Variants in FLCN observed in about 807,000 individuals in gnomAD.
The protein encoded by FLCN is folliculin, also known as BHD skin lesion fibrofolliculoma protein.
In FLCN, 22 loss-of-function variants were observed where a neutral mutation model predicts 62.5. The observed-to-expected ratio is 0.35, with a 90% CI of 0.25 to 0.50. FLCN has a LOEUF of 0.50. FLCN is among the 20% of genes least tolerant of loss of function. FLCN has a pLI of 0.97. For missense variants in FLCN, 657 were observed against 778.0 expected (o/e 0.84, Z 1.85); for synonymous variants, 319 against 310.0 (o/e 1.03, Z -0.30).
Position 17,228,120 on chromosome 17 carries a change from A to T in FLCN, c.18T>A (p.Ala6=). The change falls in exon 4 of 14, where the codon GCT becomes GCA. Residue 6 remains alanine, a synonymous_variant. Transcript: ENST00000285071. MNAIV[A]LCHFCELHGP... ...CGTGGAGCTCGCAGAAGTGGCAGAG[A>T]GCCACGATGGCATTCATGGTGCCTT... 1 of 1,613,076 alleles carries T rather than the reference A, an allele frequency of 6.2e-7. No homozygotes were observed. The highest frequency in any genetic ancestry group is 8.5e-7 in the Non-Finnish European group (1 of 1,180,018).
chr17:17,230,565 A>G (rs1318612089), intron 3 of FLCN, among the ~76,000 whole-genome samples: 2 of 151,842 alleles, frequency 1.3e-5, no homozygotes, highest in Non-Finnish European at 2.9e-5. Context: ...AAAACAAAAT[A>G]AAACAAAAAC....
chr17:17,230,084 C>T (rs905610301), intron 3 of FLCN, among the ~76,000 whole-genome samples: 16 of 152,132 alleles, frequency 1.1e-4, no homozygotes, highest in African/African-American at 2.4e-4. Flanking sequence ...GAAACGAGAC[C>T]GCAAAAGCAA....
rs539709518 is a variant in FLCN at position 17,212,975 on chromosome 17, T to C, written c.*680A>G. ...GATGCTTGCCGACCCCTCAGCAACC[T>C]GTCTTGTGCAAAAATGATCAGGGAC... On this transcript the variant is annotated 3_prime_UTR_variant, in exon 14 of 14. Coordinates refer to ENST00000285071, the MANE Select transcript of FLCN (RefSeq NM_144997.7). The C allele has an allele frequency of 2.1e-5, 5 of 237,646 alleles. No homozygotes were observed. The East Asian group carries it at 2.4e-4, about 11-fold the overall frequency. 14.7% of individuals were successfully genotyped at this position (237,646 alleles called of 1,614,324 possible).
In FLCN at chr17:17,222,559, G is replaced by C. The variant is rs1337020636; in HGVS notation, c.721C>G (p.Leu241Val). The C allele has an allele frequency of 2.5e-6, 4 of 1,614,142 alleles. No homozygotes were observed. Among genetic ancestry groups the C allele is most frequent in the African/African-American group, 2.7e-5 (2 of 74,944 alleles). ...HQRNGNAARS[L>V]TSLTSDDNLW... Reference sequence around the variant, plus strand: ...TTGTCATCACTTGTCAGCGATGTCAGCGAGCGGGCGGCGTTGCCGTTCCTC... The same window carrying C: ...TTGTCATCACTTGTCAGCGATGTCACCGAGCGGGCGGCGTTGCCGTTCCTC... Residue 241 changes from leucine to valine, a missense_variant, in exon 7 of 14, where the codon CTG becomes GTG. By Grantham distance (32) the Leu-to-Val change is conservative. Coordinates refer to ENST00000285071, the MANE Select transcript of FLCN (RefSeq NM_144997.7).
At chr17:17,219,348 C>A in intron 8 of FLCN, 139 bp from the exon 9 acceptor site, 1 of 545,290 alleles carries the variant, frequency 1.8e-6, no homozygotes, top group South Asian at 1.5e-5. Flanking sequence ...CTCCCTGTTG[C>A]TCTGGGAGCC....
rs398124528 is a variant in FLCN at position 17,215,092 on chromosome 17, T to C, written c.1433-2A>G. On this transcript the variant is annotated splice_acceptor_variant, in intron 12 of 13. Coordinates refer to ENST00000285071, the MANE Select transcript of FLCN (RefSeq NM_144997.7). LOFTEE classifies it high-confidence loss of function. ...TCTTATTCAGGATGGTGGGGCCCACTGGGGAGAAGGGCAGGGGCAGAGCAA... is the reference window on the plus strand; with the variant it reads ...TCTTATTCAGGATGGTGGGGCCCACCGGGGAGAAGGGCAGGGGCAGAGCAA... 1 of 1,611,970 alleles carries C rather than the reference T, an allele frequency of 6.2e-7. No homozygotes were observed. The highest frequency in any genetic ancestry group is 8.5e-7 in the Non-Finnish European group (1 of 1,179,006).
chr17:17,219,565 CTTTTT>C (rs33981693), intron 8 of FLCN: 482 of 125,950 alleles, frequency 3.8e-3, no homozygotes, highest in South Asian at 7.6e-3. Flanking sequence ...TTTTTTTCCA[CTTTTT>C]TTTTTTTTTT....
chr17:17,217,319 G>A (rs1213111375), intron 9 of FLCN, 137 bp from the exon 10 acceptor site: 2 of 724,230 alleles, frequency 2.8e-6, no homozygotes, highest in Admixed American at 2.0e-5. Flanking sequence ...TATCTTCTCA[G>A]GGAGGCGGGT....
intron 3 of FLCN, chr17:17,228,590 T>G: frequency 5.2e-6 from 1 of 191,134 alleles, no homozygotes; most frequent in Non-Finnish European, 1.1e-5. Flanking sequence ...GCCAAGGTGC[T>G]AGGCAACATG....
intron 8 of FLCN, chr17:17,220,360 T>C (rs2047052879): frequency 6.6e-6 from 1 of 152,238 alleles, no homozygotes; most frequent in Admixed American, 6.5e-5. Flanking sequence ...TATGGCTACA[T>C]CCAACATCAT....
At chr17:17,230,120 C>T (rs1399985059) in intron 3 of FLCN, among the ~76,000 whole-genome samples, 1 of 152,190 alleles carries the variant, frequency 6.6e-6, no homozygotes, top group East Asian at 1.9e-4. Context: ...ACAGCCACAG[C>T]CAACAGCCTG....
chr17:17,216,331 G>C lies in FLCN; in HGVS notation c.1300+49C>G. On this transcript the variant is annotated intron_variant, in intron 11 of 13. Coordinates refer to ENST00000285071, the MANE Select transcript of FLCN (RefSeq NM_144997.7). The surrounding 1 kb of genome is among the most constrained non-coding windows in gnomAD (Gnocchi z 4.0). ...TGGTTCCACTTTGGGCCTGAGGCGT[G>C]GGGAACCTCAGCGCAGGGCATGGCC... The C allele has an allele frequency of 1.2e-6, 2 of 1,609,504 alleles. No homozygotes were observed. The highest frequency in any genetic ancestry group is 4.5e-5 in the East Asian group (2 of 44,812).
chr17:17,215,841 G>A (rs1056519544), intron 11 of FLCN, among the ~76,000 whole-genome samples: 18 of 152,286 alleles, frequency 1.2e-4, no homozygotes, highest in African/African-American at 4.3e-4. Context: ...TGTGCTGGGG[G>A]AAGTCACTGA....
In FLCN at chr17:17,212,585, G is replaced by A. The variant is rs2144796370; in HGVS notation, c.*1070C>T. 1 of 170,046 alleles carries A rather than the reference G, an allele frequency of 5.9e-6. No individual in the cohort carries two copies. Among genetic ancestry groups the A allele is most frequent in the East Asian group, 1.1e-4 (1 of 9,378 alleles). The allele number at this position is 170,046 out of a possible 1,614,324, so 10.5% of individuals were successfully genotyped here. ...GGATCACCTGAGGTCAGGAGTTTGA[G>A]ACCAGCCCGGCCAACACGGTGAAAC... On this transcript the variant is annotated 3_prime_UTR_variant, in exon 14 of 14. Transcript: ENST00000285071.
chr17:17,233,993 G>T (rs187016533), intron 1 of FLCN, among the ~76,000 whole-genome samples: 21 of 151,790 alleles, frequency 1.4e-4, no homozygotes, highest in Admixed American at 1.2e-3. Context: ...TAAGTGCTAG[G>T]ATTACAGGCA....
Position 17,228,175 on chromosome 17 carries a change from G to GGGACATGT in FLCN, c.-24-22_-24-15dup. ...ACTGCAACAGGCCTGCGTGGGACAG[G>GGGACATGT]GGACATGTCAGCTTGCCAATGCCTA... is the stretch of plus-strand genomic sequence containing the variant. On this transcript the variant is annotated splice_polypyrimidine_tract_variant and intron_variant, in intron 3 of 13. Coordinates refer to ENST00000285071, the MANE Select transcript of FLCN (RefSeq NM_144997.7). 6.2e-7 allele frequency: 1 copy of GGGACATGT among 1,604,946 alleles called. No homozygotes were observed.
upstream of FLCN, chr17:17,237,275 CT>C (rs938187244): frequency 3.3e-5 from 5 of 152,250 alleles, no homozygotes; most frequent in Non-Finnish European, 7.3e-5. Flanking sequence ...CCGGGCCTCC[CT>C]AGCTCTCGCA....
chr17:17,233,542 T>C (rs1172451640), intron 1 of FLCN, among the ~76,000 whole-genome samples: 1 of 132,396 alleles, frequency 7.6e-6, no homozygotes, highest in African/African-American at 2.9e-5. Context: ...GAGCTTGCAG[T>C]GAGCCAAGAT....
chr17:17,233,607 A>C (rs1267448571), intron 1 of FLCN, among the ~76,000 whole-genome samples: 1 of 150,852 alleles, frequency 6.6e-6, no homozygotes, highest in Non-Finnish European at 1.5e-5. Context: ...TCAAAAAAAA[A>C]AAAAAAAAAA....
Sources: gnomAD v4.1 joint callset for allele counts (sites outside exome capture counted in the v4.1 genomes callset) on GRCh38, gnomAD v4.1.1 for gene constraint, Gnocchi (gnomAD v3.1) non-coding constraint, MANE v1.5 for transcripts, NCBI Gene and HGNC (gene_info 2026-07-23, HGNC 2026-07-21) for gene names.